CARMIL1: variants seen among roughly 807,000 people sequenced by gnomAD.
CARMIL1 encodes capping protein regulator and myosin 1 linker 1, also known as F-actin-uncapping protein LRRC16A.
CARMIL1 carries 90 observed loss-of-function variants against 177.1 expected under a neutral mutation model. The ratio of observed to expected loss-of-function variants is 0.51; its 90% CI spans 0.43 to 0.61. CARMIL1 has a LOEUF of 0.61. CARMIL1 is among the 20% of genes least tolerant of loss of function. CARMIL1 has a pLI of 0.00. For synonymous variants in CARMIL1, 577 were observed against 606.2 expected (o/e 0.95, Z 0.71); for missense variants, 1,380 against 1,667.0 (o/e 0.83, Z 3.00).
chr6:25,556,963 C>A, intron 29 of CARMIL1, 113 bp downstream of exon 29: 1 of 1,070,244 alleles, frequency 9.3e-7, no homozygotes, highest in Non-Finnish European at 1.4e-6. Context: ...AACACTGTCC[C>A]CACCCTCAGA....
intron 2 of CARMIL1, among the ~76,000 whole-genome samples, chr6:25,337,424 A>G (rs1378875170): frequency 6.6e-6 from 1 of 152,198 alleles, no homozygotes; most frequent in South Asian, 2.1e-4. Context: ...TCTAACCTTG[A>G]TGATCTCACC....
intron 29 of CARMIL1, among the ~76,000 whole-genome samples, chr6:25,559,243 A>T (rs1012286490): frequency 6.6e-6 from 1 of 152,192 alleles, no homozygotes; most frequent in African/African-American, 2.4e-5. Flanking sequence ...GCCTCCTTTC[A>T]TAATCAAAGT....
chr6:25,538,088 G>C (rs1425041087), intron 25 of CARMIL1, 105 bp downstream of exon 25: 2 of 1,284,060 alleles, frequency 1.6e-6, no homozygotes, highest in African/African-American at 3.0e-5. Flanking sequence ...CCAATTCCAA[G>C]TTTACTAACA....
rs1212533860 is a variant in CARMIL1, at chr6:25,577,572, A to AT, written c.2743-3347dup. ...TGGCAAAAACAAAGCACCTCTTTCT[A>AT]TTTTTATGGTGACTTAAGCAACTTG... is the stretch of plus-strand genomic sequence containing the variant. On this transcript the variant is annotated intron_variant, in intron 29 of 36. Coordinates refer to ENST00000329474, the MANE Select transcript of CARMIL1 (RefSeq NM_017640.6). This position sits in a 1 kb window ranked among gnomAD's most constrained non-coding sequence, Gnocchi z 4.5. 1.3e-5 allele frequency among the ~76,000 whole-genome samples: 2 copies of AT among 151,798 alleles called. No homozygotes were observed. Among genetic ancestry groups the AT allele is most frequent in the African/African-American group, 4.8e-5 (2 of 41,296 alleles).
At chr6:25,555,245 T>C (rs1021025692) in intron 28 of CARMIL1, among the ~76,000 whole-genome samples, 2 of 152,340 alleles carry the variant, frequency 1.3e-5, no homozygotes, top group African/African-American at 4.8e-5. Context: ...AAATTGGAAA[T>C]ATAAAAAACC....
intron 2 of CARMIL1, among the ~76,000 whole-genome samples, chr6:25,330,999 G>T (rs1785573622): frequency 6.8e-6 from 1 of 147,726 alleles, no homozygotes; most frequent in African/African-American, 2.5e-5. Context: ...ATAAATTGTA[G>T]AAAGAAGAAA....
At chr6:25,441,771 G>T (rs1321046111) in intron 5 of CARMIL1, among the ~76,000 whole-genome samples, 2 of 152,146 alleles carry the variant, frequency 1.3e-5, no homozygotes, top group African/African-American at 2.4e-5. Context: ...TAGAGCTTCA[G>T]TGTTGTCATC....
chr6:25,518,988 A>G (rs1233101633), intron 22 of CARMIL1, among the ~76,000 whole-genome samples: 4 of 152,250 alleles, frequency 2.6e-5, no homozygotes, highest in Non-Finnish European at 4.4e-5. Context: ...AATTAAAGCA[A>G]TAGAAATTAC....
intron 32 of CARMIL1, among the ~76,000 whole-genome samples, chr6:25,596,113 G>A (rs1368510736): frequency 2.7e-5 from 4 of 150,834 alleles, no homozygotes; most frequent in Admixed American, 1.3e-4. Context: ...TTTCTCTCCC[G>A]TTAATGCTAG....
intron 8 of CARMIL1, among the ~76,000 whole-genome samples, chr6:25,454,788 G>A (rs920492481): frequency 1.3e-5 from 2 of 152,078 alleles, no homozygotes; most frequent in Non-Finnish European, 2.9e-5. Flanking sequence ...TGATTATTTC[G>A]ATGTAGTAGA....
chr6:25,502,892 T>A (rs1804542702), intron 17 of CARMIL1, among the ~76,000 whole-genome samples: 2 of 152,236 alleles, frequency 1.3e-5, no homozygotes, highest in Non-Finnish European at 2.9e-5. Flanking sequence ...CATTTTCTTC[T>A]CAAATAAATT....
chr6:25,485,408 G>T (rs140782094), intron 12 of CARMIL1, among the ~76,000 whole-genome samples: 3,514 of 152,224 alleles, frequency 0.023, 91 homozygotes, highest in African/African-American at 0.057. Context: ...ATGACTTGAA[G>T]AATTTTTATC....
Position 25,340,591 on chromosome 6 carries a change from C to T in CARMIL1, c.138+55682C>T, listed in dbSNP as rs531999008. ...CTTTGTTCCATAATGTAAGATTGAA[C>T]CCCAAACCCTGGCCACCTATCTTTG... On this transcript the variant is annotated intron_variant, in intron 2 of 36. Coordinates refer to ENST00000329474, the MANE Select transcript of CARMIL1 (RefSeq NM_017640.6). 7.2e-5 allele frequency among the ~76,000 whole-genome samples: 11 copies of T among 152,116 alleles called. No homozygotes were observed. The South Asian group carries it at 2.1e-3, about 29-fold the overall frequency.
intron 12 of CARMIL1, among the ~76,000 whole-genome samples, chr6:25,488,129 A>G (rs1042616007): frequency 2.0e-5 from 3 of 152,230 alleles, no homozygotes; most frequent in African/African-American, 7.2e-5. Context: ...TAACTCAAGA[A>G]TCACCTGGCA....
intron 23 of CARMIL1, among the ~76,000 whole-genome samples, chr6:25,526,515 C>T (rs1434427559): frequency 1.3e-5 from 2 of 151,256 alleles, no homozygotes; most frequent in East Asian, 3.9e-4. Context: ...CCTCCTTCGC[C>T]TCTCATCTCC....
chr6:25,351,691 G>T (rs966740776), intron 2 of CARMIL1, among the ~76,000 whole-genome samples: 1 of 152,152 alleles, frequency 6.6e-6, no homozygotes, highest in African/African-American at 2.4e-5. Flanking sequence ...GTTGCTACTT[G>T]GAATTCCAGC....
Position 25,488,521 on chromosome 6 carries a change from T to C in CARMIL1, c.1001T>C (p.Leu334Ser). 2 of 1,614,050 alleles carry C rather than the reference T, an allele frequency of 1.2e-6. No homozygotes were observed. The highest frequency in any genetic ancestry group is 2.2e-5 in the South Asian group (2 of 91,086). Residue 334 changes from leucine to serine, a missense_variant, in exon 13 of 37, where the codon TTG becomes TCG. Physicochemically the swap from Leu to Ser is moderately radical, Grantham distance 145. Transcript: ENST00000329474. ...SLSQSLSANP[L>S]TASTLVHLDL... ...TCTCAGTCACTCAGTGCCAATCCATTGACCGCCTCTACCCTTGTCCACCTC... is the reference window on the plus strand; with the variant it reads ...TCTCAGTCACTCAGTGCCAATCCATCGACCGCCTCTACCCTTGTCCACCTC...
At position 25,407,578 on chromosome 6, in the gene CARMIL1, G is replaced by T. The variant is rs561410066; in HGVS notation, c.139-12536G>T. 7.2e-5 allele frequency among the ~76,000 whole-genome samples: 11 copies of T among 152,270 alleles called. 1 individual carries two copies. The highest frequency in any genetic ancestry group is 2.4e-4 in the African/African-American group (10 of 41,552). On this transcript the variant is annotated intron_variant, in intron 2 of 36. Transcript: ENST00000329474. Reference sequence around the variant, plus strand: ...TTCCCAGATGAAGGGAACGGAATCAGGTTGCTGGGTAAGATCAGTTCTCCA... The same window carrying T: ...TTCCCAGATGAAGGGAACGGAATCATGTTGCTGGGTAAGATCAGTTCTCCA...
At chr6:25,348,833 T>C (rs941649138) in intron 2 of CARMIL1, among the ~76,000 whole-genome samples, 2 of 151,914 alleles carry the variant, frequency 1.3e-5, no homozygotes, top group African/African-American at 4.8e-5. Flanking sequence ...TTATCCAATT[T>C]TTGGTGAATC....
Sources: gnomAD v4.1 joint callset for allele counts (sites outside exome capture counted in the v4.1 genomes callset) on GRCh38, gnomAD v4.1.1 for gene constraint, Gnocchi (gnomAD v3.1) non-coding constraint, MANE v1.5 for transcripts, NCBI Gene and HGNC (gene_info 2026-07-23, HGNC 2026-07-21) for gene names.